Variants in ALMS1 observed in about 807,000 individuals in gnomAD.
The protein encoded by ALMS1 is ALMS1 centrosome and basal body associated protein.
In ALMS1, 271 loss-of-function variants were observed where a neutral mutation model predicts 352.2. The ratio of observed to expected loss-of-function variants is 0.77; its 90% CI spans 0.70 to 0.85. The LOEUF (loss-of-function observed/expected upper bound fraction) is 0.85. ALMS1 is among the 40% of genes least tolerant of loss of function. The pLI is 0.00. For synonymous variants in ALMS1, 1,865 were observed against 1,761.2 expected (o/e 1.06, Z -1.48); for missense variants, 5,445 against 4,870.7 (o/e 1.12, Z -3.51).
intron 13 of ALMS1, among the ~76,000 whole-genome samples, chr2:73,554,618 TAGG>T (rs1267325109): frequency 6.6e-6 from 1 of 151,694 alleles, no homozygotes; most frequent in East Asian, 1.9e-4. Flanking sequence ...GAGGCTGATG[TAGG>T]AGAATGGCAT....
chr2:73,509,730 A>T (rs1009984032), intron 10 of ALMS1, among the ~76,000 whole-genome samples: 1 of 151,976 alleles, frequency 6.6e-6, no homozygotes, highest in Non-Finnish European at 1.5e-5. Flanking sequence ...TCTGACGATT[A>T]TGTGTTTTGG....
chr2:73,396,303 TACACACAC>T (rs757567739), intron 1 of ALMS1, among the ~76,000 whole-genome samples: 7 of 144,142 alleles, frequency 4.9e-5, no homozygotes, highest in South Asian at 2.2e-4. Context: ...GTCATAGAAA[TACACACAC>T]ACACACACAC....
At chr2:73,528,024 CATT>C (rs1432629477) in intron 11 of ALMS1, among the ~76,000 whole-genome samples, 2 of 152,060 alleles carry the variant, frequency 1.3e-5, no homozygotes, top group Non-Finnish European at 2.9e-5. Context: ...CATTCAGAAA[CATT>C]ATTTCATTTC....
chr2:73,465,880 A>G (rs1032612508), intron 9 of ALMS1, among the ~76,000 whole-genome samples: 2 of 152,232 alleles, frequency 1.3e-5, no homozygotes, highest in Non-Finnish European at 2.9e-5. Context: ...AAACACATGA[A>G]AAAATGCTCA....
At chr2:73,565,952 G>C (rs549864306) in intron 15 of ALMS1, among the ~76,000 whole-genome samples, 1 of 152,040 alleles carries the variant, frequency 6.6e-6, no homozygotes, top group Non-Finnish European at 1.5e-5. Context: ...ATAGAATCCT[G>C]GAACAGAAAA....
chr2:73,573,726 C>A, intron 16 of ALMS1: 1 of 567,166 alleles, frequency 1.8e-6, no homozygotes, highest in Non-Finnish European at 3.1e-6. Flanking sequence ...CTATCCTGAA[C>A]AATATTGCTG....
chr2:73,558,841 C>T (rs532068318), intron 14 of ALMS1, 131 bp from the exon 15 acceptor site: 244 of 983,968 alleles, frequency 2.5e-4, no homozygotes, highest in Non-Finnish European at 3.3e-4. Flanking sequence ...ATTTTCTAAA[C>T]GCATTTCTGA....
intron 12 of ALMS1, among the ~76,000 whole-genome samples, chr2:73,536,660 G>C (rs1052144378): frequency 6.6e-6 from 1 of 152,062 alleles, no homozygotes; most frequent in Non-Finnish European, 1.5e-5. Flanking sequence ...AGAGTTTGGG[G>C]CCAAGAGCAA....
intron 15 of ALMS1, among the ~76,000 whole-genome samples, chr2:73,568,995 C>CTTTTTTTTTTTTTTTTTTTTTTTTTTTTT (rs747436819): frequency 5.6e-5 from 3 of 53,532 alleles, no homozygotes; most frequent in Non-Finnish European, 1.0e-4. Flanking sequence ...GCTTCTGCTT[C>CTTTTTTTTTTTTTTTTTTTTTTTTTTTTT]TTTTTTTTTT....
intron 12 of ALMS1, among the ~76,000 whole-genome samples, chr2:73,538,694 C>T (rs748239812): frequency 3.5e-4 from 53 of 152,158 alleles, no homozygotes; most frequent in Admixed American, 1.0e-3. Context: ...CCTAATACTG[C>T]GCTTTTCCAA....
At chr2:73,540,770 G>A (rs4500972) in intron 12 of ALMS1, among the ~76,000 whole-genome samples, 58,396 of 152,038 alleles carry the variant, frequency 0.38, 15,473 homozygotes, top group African/African-American at 0.75. Flanking sequence ...ATCAAAAGAG[G>A]CAGAGAAGGC....
chr2:73,386,150 G>C lies in ALMS1; in HGVS notation c.282G>C (p.Pro94=), dbSNP rs764095354. The C allele has an allele frequency of 6.4e-6, 10 of 1,556,276 alleles. No individual in the cohort carries two copies. The highest frequency in any genetic ancestry group is 7.8e-6 in the Non-Finnish European group (9 of 1,150,570). ...GGATTTTGCCTCCGCTGTCGCCCCC[G>C]CAGCACCGCTACTCGGAGGGCGAGC... ...PGRILPPLSP[P]QHRYSEGERT... Residue 94 remains proline, a synonymous_variant, in exon 1 of 23, where the codon CCG becomes CCC. Transcript: ENST00000613296.
At position 73,491,074 on chromosome 2, in the gene ALMS1, T is replaced by G. The variant is rs1296495405; in HGVS notation, c.9115T>G (p.Ser3039Ala). 6.2e-7 allele frequency: 1 copy of G among 1,614,198 alleles called. No homozygotes were observed. The highest frequency in any genetic ancestry group is 2.2e-5 in the East Asian group (1 of 44,882). The change falls in exon 10 of 23, where the codon TCA (serine) becomes GCA (alanine). Residue 3039 changes from serine (S) to alanine (A), a missense_variant. Transcript: ENST00000613296. ...AGCAGCATCTGCATCTACTCCTCCT[T>G]CAAATAGAAAAGCACTTTCTTGTGT... ...TLAASASTPPSNRKALSCVHI... is the reference protein window; with the variant it reads ...TLAASASTPPANRKALSCVHI...
At chr2:73,422,450 A>G (rs1452577714) in intron 3 of ALMS1, among the ~76,000 whole-genome samples, 1 of 152,124 alleles carries the variant, frequency 6.6e-6, no homozygotes. Flanking sequence ...TGTAGTCTAT[A>G]TTATGTAAGA....
chr2:73,447,923 A>G, intron 7 of ALMS1, 37 bp from the exon 8 acceptor site: 2 of 1,540,234 alleles, frequency 1.3e-6, no homozygotes, highest in Non-Finnish European at 1.7e-6. Flanking sequence ...TAAAATAGAA[A>G]ATTTTATATA....
At chr2:73,474,903 C>A (rs962444480) in intron 9 of ALMS1, among the ~76,000 whole-genome samples, 3 of 152,050 alleles carry the variant, frequency 2.0e-5, no homozygotes, top group African/African-American at 7.2e-5. Context: ...AGCCCCTCTC[C>A]CCCAATTCCC....
intron 15 of ALMS1, among the ~76,000 whole-genome samples, chr2:73,563,190 G>A (rs1193023613): frequency 1.3e-5 from 2 of 151,634 alleles, no homozygotes; most frequent in African/African-American, 4.8e-5. Context: ...TGAGAAAGGT[G>A]GAAAGCAAAA....
chr2:73,511,428 C>G (rs1298521920), intron 10 of ALMS1, among the ~76,000 whole-genome samples: 1 of 151,928 alleles, frequency 6.6e-6, no homozygotes, highest in Non-Finnish European at 1.5e-5. Flanking sequence ...AGGGAGTTCC[C>G]CAACCCGTTG....
chr2:73,531,131 A>G (rs1673901469), intron 11 of ALMS1, among the ~76,000 whole-genome samples: 2 of 152,200 alleles, frequency 1.3e-5, no homozygotes, highest in African/African-American at 4.8e-5. Flanking sequence ...AATTCCTTGA[A>G]TGGGTTTTTC....
Sources: allele counts gnomAD v4.1 joint callset (sites outside exome capture counted in the v4.1 genomes callset), GRCh38; gene constraint gnomAD v4.1.1; transcripts MANE v1.5; gene names NCBI Gene and HGNC (gene_info 2026-07-23, HGNC 2026-07-21).